The following DMD variants were observed in gnomAD, a reference collection of about 807,000 sequenced individuals.
DMD encodes mutant dystrophin.
DMD carries 63 observed loss-of-function variants against 330.1 expected under a neutral mutation model. The observed-to-expected ratio is 0.19, with a 90% CI of 0.16 to 0.24. The LOEUF (loss-of-function observed/expected upper bound fraction) is 0.24, where lower values mean the gene tolerates loss of function less well. Among genes scored for constraint, DMD ranks in the 10% least tolerant of loss-of-function variants. The probability of loss-of-function intolerance (pLI) is 1.00; values close to 1 mark genes in which losing one functional copy is unlikely to be tolerated. For synonymous variants in DMD, 1,223 were observed against 959.8 expected (o/e 1.27, Z -5.07); for missense variants, 3,344 against 2,684.1 (o/e 1.25, Z -5.43).
At chrX:31,764,891 T>C (rs928941586) in intron 51 of DMD, among the ~76,000 whole-genome samples, 2 of 111,898 alleles carry the variant, frequency 1.8e-5, no homozygotes, top group African/African-American at 6.5e-5. Context: ...ATATAAAATA[T>C]AAAGGTAAGG....
intron 17 of DMD, among the ~76,000 whole-genome samples, chrX:32,543,398 A>C (rs1199465382): frequency 9.1e-6 from 1 of 110,407 alleles, no homozygotes; most frequent in Non-Finnish European, 1.9e-5. Flanking sequence ...GAAGACAGAG[A>C]TTGACATGAA....
chrX:32,098,087 G>C (rs962000430), intron 44 of DMD, among the ~76,000 whole-genome samples: 1 of 111,156 alleles, frequency 9.0e-6, no homozygotes, highest in Non-Finnish European at 1.9e-5. Flanking sequence ...AAATCAAAAA[G>C]GGGTATTGAA....
intron 2 of DMD, among the ~76,000 whole-genome samples, chrX:32,863,139 T>G (rs1162964391): frequency 9.0e-6 from 1 of 111,445 alleles, no homozygotes; most frequent in Non-Finnish European, 1.9e-5. Flanking sequence ...AATGGTTGCT[T>G]TTCTGACAGA....
At chrX:32,951,959 A>T (rs928006703) in intron 2 of DMD, among the ~76,000 whole-genome samples, 1 of 111,295 alleles carries the variant, frequency 9.0e-6, no homozygotes, top group Non-Finnish European at 1.9e-5. Context: ...ATATTCATGT[A>T]GAATAGCCTT....
chrX:31,755,083 G>A (rs866371649), intron 51 of DMD, among the ~76,000 whole-genome samples: 3 of 111,135 alleles, frequency 2.7e-5, no homozygotes, highest in Middle Eastern at 4.6e-3. Flanking sequence ...GATAGAGTTA[G>A]AATTTAATCA....
intron 7 of DMD, among the ~76,000 whole-genome samples, chrX:32,712,682 T>G (rs1383829689): frequency 2.7e-5 from 3 of 111,548 alleles, no homozygotes; most frequent in Non-Finnish European, 5.7e-5. Context: ...GTATATTCAT[T>G]GTAGGAGTGT....
chrX:32,076,291 A>G (rs1421785191), intron 44 of DMD, among the ~76,000 whole-genome samples: 3 of 108,385 alleles, frequency 2.8e-5, no homozygotes, highest in Non-Finnish European at 5.7e-5. Context: ...GGGGAAGGAG[A>G]TGTTACCTCT....
intron 1 of DMD, among the ~76,000 whole-genome samples, chrX:33,202,802 C>T (rs769014731): frequency 2.2e-4 from 25 of 111,617 alleles, no homozygotes; most frequent in African/African-American, 7.8e-4. Context: ...AGTAGTTGTA[C>T]GCATATACAT....
At chrX:33,016,504 G>A (rs760040094) in intron 2 of DMD, among the ~76,000 whole-genome samples, 1 of 111,155 alleles carries the variant, frequency 9.0e-6, no homozygotes, top group South Asian at 3.8e-4. Flanking sequence ...TCGTTATTGG[G>A]CCACAAGAAT....
chrX:32,622,218 A>G (rs908153486), intron 11 of DMD, among the ~76,000 whole-genome samples: 1 of 111,714 alleles, frequency 9.0e-6, no homozygotes, highest in Non-Finnish European at 1.9e-5. Context: ...AGGCTCCAAA[A>G]AGCAGGATTT....
intron 59 of DMD, among the ~76,000 whole-genome samples, chrX:31,466,978 C>T (rs151018759): frequency 2.7e-5 from 3 of 111,511 alleles, no homozygotes; most frequent in African/African-American, 9.8e-5. Context: ...CTATTATTGG[C>T]GTATAGGAAT....
chrX:32,184,490 T>C (rs1256681968), intron 44 of DMD, among the ~76,000 whole-genome samples: 1 of 111,299 alleles, frequency 9.0e-6, no homozygotes, highest in East Asian at 2.8e-4. Flanking sequence ...ACGGAAGGAA[T>C]TGTATTATAG....
At chrX:32,995,969 A>C (rs1168165241) in intron 2 of DMD, among the ~76,000 whole-genome samples, 7 of 112,009 alleles carry the variant, frequency 6.2e-5, no homozygotes, top group Non-Finnish European at 1.1e-4. Flanking sequence ...TGGTCAGTGC[A>C]AACAGTTATA....
At chrX:32,247,742 G>C (rs1038765243) in intron 43 of DMD, among the ~76,000 whole-genome samples, 1 of 111,145 alleles carries the variant, frequency 9.0e-6, no homozygotes, top group African/African-American at 3.3e-5. Flanking sequence ...CATGAACTGA[G>C]GACTCGTCAC....
At chrX:33,082,077 C>T (rs1327271101) in intron 1 of DMD, among the ~76,000 whole-genome samples, 2 of 105,224 alleles carry the variant, frequency 1.9e-5, no homozygotes, top group Non-Finnish European at 3.9e-5. Flanking sequence ...AGTGGCAAGA[C>T]AAAAAAATTA....
At chrX:32,879,404 G>A (rs1249993836) in intron 2 of DMD, among the ~76,000 whole-genome samples, 1 of 111,659 alleles carries the variant, frequency 9.0e-6, no homozygotes, top group Non-Finnish European at 1.9e-5. Context: ...CTTGCCAAAA[G>A]GTTAGACAAC....
chrX:31,630,623 C>T (rs1172149083), intron 54 of DMD, among the ~76,000 whole-genome samples: 1 of 110,054 alleles, frequency 9.1e-6, no homozygotes, highest in African/African-American at 3.3e-5. Context: ...TTAAATTTTC[C>T]GGAACCATAT....
At chrX:32,043,309 T>G (rs747038746) in intron 44 of DMD, among the ~76,000 whole-genome samples, 14 of 112,326 alleles carry the variant, frequency 1.2e-4, no homozygotes, top group Middle Eastern at 4.6e-3. Flanking sequence ...TAGACATAAC[T>G]GTCAGCCCCT....
intron 44 of DMD, among the ~76,000 whole-genome samples, chrX:32,135,222 C>G (rs1302785503): frequency 8.9e-6 from 1 of 112,146 alleles, no homozygotes; most frequent in Non-Finnish European, 1.9e-5. Flanking sequence ...TCCACTAGCT[C>G]TATCGGTTAC....
Sources: allele counts gnomAD v4.1 joint callset (sites outside exome capture counted in the v4.1 genomes callset), GRCh38; gene constraint gnomAD v4.1.1; transcripts MANE v1.5; gene names NCBI Gene and HGNC (gene_info 2026-07-23, HGNC 2026-07-21).